The following ANK2 variants were observed in gnomAD, a reference collection of about 807,000 sequenced individuals.
ANK2 encodes the protein ankyrin-2.
ANK2 carries 83 observed loss-of-function variants against 360.5 expected under a neutral mutation model. The ratio of observed to expected loss-of-function variants is 0.23; its 90% CI spans 0.19 to 0.28. The LOEUF is 0.28. Ranked by LOEUF, ANK2 falls within the 10% of genes least tolerant of loss-of-function variation. The pLI is 1.00. For synonymous variants in ANK2, 1,740 were observed against 1,759.5 expected (o/e 0.99, Z 0.28); for missense variants, 4,201 against 4,795.7 (o/e 0.88, Z 3.66).
At chr4:113,048,272 ATATAT>A (rs1327696293), upstream of ANK2, among the ~76,000 whole-genome samples, 1 of 48,000 alleles carries the variant, frequency 2.1e-5, no homozygotes, top group African/African-American at 1.0e-4. Context: ...ATATATATAT[ATATAT>A]TTTTTTTTTT....
intron 1 of ANK2, among the ~76,000 whole-genome samples, chr4:113,098,634 C>G (rs1299033390): frequency 6.6e-6 from 1 of 151,980 alleles, no homozygotes; most frequent in Non-Finnish European, 1.5e-5. Context: ...TAACAATTCT[C>G]TACAATGTCT....
chr4:112,998,841 A>G (rs17045279), intron 2 of ANK2, among the ~76,000 whole-genome samples: 2,335 of 152,278 alleles, frequency 0.015, 61 homozygotes, highest in African/African-American at 0.05. Context: ...AAAATATCCA[A>G]TTGCATCTTG....
chr4:113,288,859 T>G (rs29353), intron 20 of ANK2, among the ~76,000 whole-genome samples: 38,610 of 151,836 alleles, frequency 0.25, 5,589 homozygotes, highest in African/African-American at 0.39. Context: ...ATACAGACAG[T>G]CAGCCTAGAC....
chr4:112,781,208 T>C, the ANK2 span, among the ~76,000 whole-genome samples: 2 of 152,062 alleles, frequency 1.3e-5, no homozygotes, highest in Non-Finnish European at 2.9e-5. Flanking sequence ...CCTAGGCTGG[T>C]CTCAAACTCT....
At chr4:112,813,527 T>TTATA (rs1398450463), upstream of ANK2, among the ~76,000 whole-genome samples, 1 of 143,278 alleles carries the variant, frequency 7.0e-6, no homozygotes, top group Non-Finnish European at 1.5e-5. Flanking sequence ...CCAAATTATA[T>TTATA]TATATTTATT....
the ANK2 span, among the ~76,000 whole-genome samples, chr4:112,761,014 G>A: frequency 6.6e-6 from 1 of 151,252 alleles, no homozygotes; most frequent in Non-Finnish European, 1.5e-5. Flanking sequence ...TCACCATGTT[G>A]ACCAGGCTGG....
At chr4:113,086,466 C>T (rs1001864236) in intron 1 of ANK2, among the ~76,000 whole-genome samples, 8 of 152,164 alleles carry the variant, frequency 5.3e-5, no homozygotes, top group Admixed American at 1.3e-4. Flanking sequence ...CACAGGTTGA[C>T]TTAGTGCCAA....
At chr4:113,250,748 T>TTCC (rs2045726249) in intron 10 of ANK2, among the ~76,000 whole-genome samples, 1 of 81,112 alleles carries the variant, frequency 1.2e-5, no homozygotes. Context: ...TTCCACCTCA[T>TTCC]ACCACCGCCC....
chr4:113,039,605 T>C (rs1404096243), intron 2 of ANK2, among the ~76,000 whole-genome samples: 1 of 152,026 alleles, frequency 6.6e-6, no homozygotes, highest in Non-Finnish European at 1.5e-5. Context: ...TGGGGGCTCC[T>C]GAATTCATTT....
intron 2 of ANK2, among the ~76,000 whole-genome samples, chr4:113,189,169 G>A (rs963856876): frequency 1.3e-5 from 2 of 152,160 alleles, no homozygotes; most frequent in Non-Finnish European, 2.9e-5. Context: ...AAGCCAGCTT[G>A]TGTGTCTCAG....
At chr4:112,942,286 C>T (rs1402005141) in intron 2 of ANK2, among the ~76,000 whole-genome samples, 12 of 152,030 alleles carry the variant, frequency 7.9e-5, no homozygotes, top group Admixed American at 6.6e-4. Flanking sequence ...CACTCAGTGG[C>T]GCTGTGTTGT....
the ANK2 span, among the ~76,000 whole-genome samples, chr4:112,793,651 G>A: frequency 0.98 from 148,105 of 151,490 alleles, 72,408 homozygotes; most frequent in East Asian, 1. Context: ...GTTATATACT[G>A]TCTTTTATAA....
chr4:113,164,639 G>T (rs973401852), intron 1 of ANK2, among the ~76,000 whole-genome samples: 1 of 152,200 alleles, frequency 6.6e-6, no homozygotes, highest in Non-Finnish European at 1.5e-5. Context: ...AAGGGGGCAA[G>T]AGTAAATTAA....
At position 113,059,425 on chromosome 4, in the gene ANK2, A is replaced by T. The variant is rs559371487; in HGVS notation, c.84+9613A>T. On this transcript the variant is annotated intron_variant, in intron 1 of 45. Coordinates refer to ENST00000357077, the MANE Select transcript of ANK2 (RefSeq NM_001148.6). ...TAGTACATATGTTTAATAATTGTCT[A>T]CGTGATTTATTCTTGGCTTGATCTA... is the stretch of plus-strand genomic sequence containing the variant. 2.0e-5 allele frequency among the ~76,000 whole-genome samples: 3 copies of T among 152,280 alleles called. No homozygotes were observed. The South Asian group carries it at 6.2e-4, about 32-fold the overall frequency.
intron 4 of ANK2, among the ~76,000 whole-genome samples, chr4:113,199,980 G>A (rs2098806613): frequency 6.6e-6 from 1 of 152,118 alleles, no homozygotes; most frequent in South Asian, 2.1e-4. Flanking sequence ...TCTATAGATG[G>A]CACAAGTTCT....
chr4:113,082,286 T>C (rs2082706691), intron 1 of ANK2, among the ~76,000 whole-genome samples: 1 of 152,242 alleles, frequency 6.6e-6, no homozygotes, highest in East Asian at 1.9e-4. Context: ...AAAAACGCCT[T>C]CCTATTTCAA....
At chr4:113,235,101 G>A (rs1177056803) in intron 5 of ANK2, among the ~76,000 whole-genome samples, 3 of 152,078 alleles carry the variant, frequency 2.0e-5, no homozygotes, top group African/African-American at 7.2e-5. Context: ...ATGACATTCT[G>A]TTCTGTGAGC....
At chr4:113,069,097 G>A (rs2076644538) in intron 1 of ANK2, among the ~76,000 whole-genome samples, 1 of 151,942 alleles carries the variant, frequency 6.6e-6, no homozygotes, top group Admixed American at 6.6e-5. Flanking sequence ...AGAAAAGAGA[G>A]GAGAGGAGAG....
At chr4:113,301,196 C>T (rs2074785647) in intron 22 of ANK2, among the ~76,000 whole-genome samples, 1 of 151,898 alleles carries the variant, frequency 6.6e-6, no homozygotes, top group South Asian at 2.1e-4. Context: ...AATTGATGCC[C>T]TTAATGTATT....
Sources: allele counts gnomAD v4.1 joint callset (sites outside exome capture counted in the v4.1 genomes callset), GRCh38; gene constraint gnomAD v4.1.1; transcripts MANE v1.5; gene names NCBI Gene and HGNC (gene_info 2026-07-23, HGNC 2026-07-21).